The following GPRC6A variants were observed in gnomAD, a reference collection of about 807,000 sequenced individuals.
The protein encoded by GPRC6A is G protein-coupled receptor class C group 6 member A.
GPRC6A carries 54 observed loss-of-function variants against 47.0 expected under a neutral mutation model. The ratio of observed to expected loss-of-function variants is 1.15; its 90% CI spans 0.92 to 1.44. The LOEUF (loss-of-function observed/expected upper bound fraction) is 1.44. Ranked by LOEUF, GPRC6A falls within the 40% of genes most tolerant of loss-of-function variation. The probability of loss-of-function intolerance (pLI) is 0.00; values close to 1 mark genes in which losing one functional copy is unlikely to be tolerated. For synonymous variants in GPRC6A, 347 were observed against 377.1 expected (o/e 0.92, Z 0.93); for missense variants, 1,112 against 1,105.5 (o/e 1.01, Z -0.08).
chr6:116,813,226 A>G (rs546314868), intron 1 of GPRC6A, among the ~76,000 whole-genome samples: 1 of 152,322 alleles, frequency 6.6e-6, no homozygotes, highest in South Asian at 2.1e-4. Context: ...CAAGCTACCA[A>G]TGACTTTCTT....
rs1253445544 is a variant in GPRC6A, at chr6:116,792,774, C to T, written c.2149G>A (p.Val717Ile). 7 of 1,613,886 alleles carry T rather than the reference C, an allele frequency of 4.3e-6. No homozygotes were observed. Among genetic ancestry groups the T allele is most frequent in the African/African-American group, 1.3e-5 (1 of 74,906 alleles). The change falls in exon 6 of 6, where the codon GTC becomes ATC. Residue 717 changes from valine to isoleucine, a missense_variant. Transcript: ENST00000310357. ...AAGATTAGCCAGAGTGTGCAAATGA[C>T]AACCTGGATGCCCGTGCAAGTGAAG... ...IIFTCTGIQV[V>I]ICTLWLIFAA...
At chr6:116,799,998 G>T (rs1772608723) in intron 4 of GPRC6A, among the ~76,000 whole-genome samples, 1 of 152,104 alleles carries the variant, frequency 6.6e-6, no homozygotes, top group African/African-American at 2.4e-5. Context: ...ACAGAAAATA[G>T]AGTTAACTGA....
chr6:116,815,395 A>T (rs1773173413), intron 1 of GPRC6A, among the ~76,000 whole-genome samples: 1 of 152,230 alleles, frequency 6.6e-6, no homozygotes, highest in African/African-American at 2.4e-5. Flanking sequence ...AGGTGGAAGG[A>T]TCGCTTGAAC....
rs769777581 is a variant in GPRC6A, at chr6:116,809,481, C to T, written c.331G>A (p.Ala111Thr). 6.2e-7 allele frequency: 1 copy of T among 1,613,216 alleles called. No individual in the cohort carries two copies. Reference sequence around the variant, plus strand: ...TTAGAAAGAAACCTCAGAGTGGCTGCCATTGCCACTGTGACTTCTGTACAA... The same window carrying T: ...TTAGAAAGAAACCTCAGAGTGGCTGTCATTGCCACTGTGACTTCTGTACAA... ...DTCTEVTVAM[A>T]ATLRFLSKFN... Residue 111 changes from alanine (A) to threonine (T), a missense_variant, in exon 2 of 6, where the codon GCA (alanine) becomes ACA (threonine). By Grantham distance (58) the Ala-to-Thr change is moderately conservative. Transcript: ENST00000310357.
intron 4 of GPRC6A, among the ~76,000 whole-genome samples, chr6:116,798,086 T>C (rs1772544101): frequency 6.6e-6 from 1 of 152,232 alleles, no homozygotes; most frequent in South Asian, 2.1e-4. Flanking sequence ...ACACAAATAT[T>C]TAGCTCGTCG....
chr6:116,808,834 T>C (rs1772934264), intron 2 of GPRC6A, among the ~76,000 whole-genome samples: 1 of 152,144 alleles, frequency 6.6e-6, no homozygotes, highest in Non-Finnish European at 1.5e-5. Flanking sequence ...ATATCTGATT[T>C]TTTTTTTCAG....
chr6:116,792,746 G>A lies in GPRC6A; in HGVS notation c.2177C>T (p.Ala726Val), dbSNP rs757390780. ...GACATTCACCTCTACAGTAGGTGCT[G>A]CAAAGATTAGCCAGAGTGTGCAAAT... is the stretch of plus-strand genomic sequence containing the variant. ...VVICTLWLIF[A>V]APTVEVNVSL... The change falls in exon 6 of 6, where the codon GCA (alanine) becomes GTA (valine). Residue 726 changes from alanine to valine, a missense_variant. Physicochemically the swap from Ala to Val is moderately conservative, Grantham distance 64. Transcript: ENST00000310357. The A allele has an allele frequency of 1.3e-5, 21 of 1,613,848 alleles. No individual in the cohort carries two copies. The Admixed American group carries it at 3.5e-4, about 27-fold the overall frequency.
At chr6:116,794,627 A>G (rs989760235) in intron 5 of GPRC6A, among the ~76,000 whole-genome samples, 1 of 152,118 alleles carries the variant, frequency 6.6e-6, no homozygotes, top group Non-Finnish European at 1.5e-5. Context: ...TATTTCTCTC[A>G]CTTGGAAGGT....
chr6:116,823,042 T>G (rs1014257540), intron 1 of GPRC6A, among the ~76,000 whole-genome samples: 2 of 152,202 alleles, frequency 1.3e-5, no homozygotes, highest in East Asian at 3.9e-4. Context: ...TTCTCTTTAT[T>G]TAATGCAAAT....
At chr6:116,803,864 G>T (rs533390249) in intron 3 of GPRC6A, among the ~76,000 whole-genome samples, 1 of 152,076 alleles carries the variant, frequency 6.6e-6, no homozygotes, top group African/African-American at 2.4e-5. Context: ...GTACTTCTCT[G>T]CCATCTTGTG....
At chr6:116,798,884 GAAAAAAA>G (rs768427367) in intron 4 of GPRC6A, among the ~76,000 whole-genome samples, 5 of 110,474 alleles carry the variant, frequency 4.5e-5, no homozygotes, top group Admixed American at 1.9e-4. Context: ...ATCCATCTTG[GAAAAAAA>G]AAAAAAAAAA....
chr6:116,792,700 G>A lies in GPRC6A; in HGVS notation c.2223C>T (p.Ile741=), dbSNP rs1195208818. 1.9e-6 allele frequency: 3 copies of A among 1,613,088 alleles called. No homozygotes were observed. In the South Asian group the frequency reaches 3.3e-5, roughly 18 times the overall value. Residue 741 remains isoleucine (I), a synonymous_variant, in exon 6 of 6, where the codon ATC becomes ATT. Coordinates refer to ENST00000310357, the MANE Select transcript of GPRC6A (RefSeq NM_148963.4). ...GTATGGATCCCTCCTCACACTCCAG[G>A]ATGATGACTCTGGGCAAGGAGACAT... ...EVNVSLPRVI[I]LECEEGSILA... is the part of the protein sequence containing the mutation.
rs1450574065 is a variant in GPRC6A at position 116,793,190 on chromosome 6, A to T, written c.1733T>A (p.Met578Lys). ...ATATTCCACTTCCTTTTCAAAGCACATAGTGCTCCTAACAGGGGCCCAGTG... is the reference window on the plus strand; with the variant it reads ...ATATTCCACTTCCTTTTCAAAGCACTTAGTGCTCCTAACAGGGGCCCAGTG... ...KTHWAPVRSTMCFEKEVEYLN... is the reference protein window; with the variant it reads ...KTHWAPVRSTKCFEKEVEYLN... Residue 578 changes from methionine to lysine, a missense_variant, in exon 6 of 6, where the codon ATG becomes AAG. By Grantham distance (95) the Met-to-Lys change is moderately conservative. Transcript: ENST00000310357. 1.2e-6 allele frequency: 2 copies of T among 1,612,050 alleles called. No homozygotes were observed. The highest frequency in any genetic ancestry group is 4.5e-5 in the East Asian group (2 of 44,854).
chr6:116,816,622 G>A (rs1352192318), intron 1 of GPRC6A, among the ~76,000 whole-genome samples: 1 of 152,216 alleles, frequency 6.6e-6, no homozygotes, highest in Non-Finnish European at 1.5e-5. Flanking sequence ...TCCATCTGAG[G>A]TACCGGGTTC....
At chr6:116,818,245 G>T (rs1408245176) in intron 1 of GPRC6A, among the ~76,000 whole-genome samples, 3 of 152,020 alleles carry the variant, frequency 2.0e-5, no homozygotes, top group Non-Finnish European at 2.9e-5. Flanking sequence ...TTAAAGAAAA[G>T]AATTTTCGGC....
At chr6:116,820,459 A>G (rs1274268187) in intron 1 of GPRC6A, among the ~76,000 whole-genome samples, 1 of 152,032 alleles carries the variant, frequency 6.6e-6, no homozygotes, top group East Asian at 1.9e-4. Flanking sequence ...AAAATCCTCA[A>G]TAAAATACTG....
chr6:116,809,895 T>C (rs1431433467), intron 1 of GPRC6A, among the ~76,000 whole-genome samples: 1 of 152,172 alleles, frequency 6.6e-6, no homozygotes, highest in Non-Finnish European at 1.5e-5. Context: ...AAGATGTGTT[T>C]GATTTTTGTT....
chr6:116,802,336 T>G (rs1254874801), intron 3 of GPRC6A, among the ~76,000 whole-genome samples: 1 of 152,152 alleles, frequency 6.6e-6, no homozygotes, highest in Non-Finnish European at 1.5e-5. Context: ...AACTGCTTTT[T>G]CATATCATTT....
At position 116,800,264 on chromosome 6, in the gene GPRC6A, TCCTC is replaced by T. The variant is rs143295846; in HGVS notation, c.1548+316_1548+319del. Reference sequence around the variant, plus strand: ...CTTCTTTCTCTCTCTCTTCCTTCCTTCCTCCCTCCCTCCCTCCCTTCCTTCCTCT... The same window carrying T: ...CTTCTTTCTCTCTCTCTTCCTTCCTTCCTCCCTCCCTCCCTTCCTTCCTCT... On this transcript the variant is annotated intron_variant, in intron 4 of 5. Transcript: ENST00000310357. Among the ~76,000 whole-genome samples the T allele has an allele frequency of 4.9e-4, 55 of 112,518 alleles. 1 individual carries two copies. The highest frequency in any genetic ancestry group is 9.4e-3 in the Middle Eastern group (2 of 212). The allele number at this position is 112,518 out of a possible 152,430, so 73.8% of individuals were successfully genotyped here.
Sources: gnomAD v4.1 joint callset for allele counts (sites outside exome capture counted in the v4.1 genomes callset) on GRCh38, gnomAD v4.1.1 for gene constraint, MANE v1.5 for transcripts, NCBI Gene and HGNC (gene_info 2026-07-23, HGNC 2026-07-21) for gene names.